Variants in PKN2 observed in about 807,000 individuals in gnomAD.
PKN2 encodes the protein protein kinase N2.
Under a neutral mutation model 119.1 loss-of-function variants are expected in PKN2, and 38 were observed. The observed-to-expected ratio is 0.32, with a 90% CI of 0.25 to 0.42. PKN2 has a LOEUF of 0.42. PKN2 is among the 10% of genes least tolerant of loss of function. The pLI, the probability that PKN2 is intolerant of heterozygous loss-of-function variation, is 1.00. For missense variants in PKN2, 850 were observed against 1,165.1 expected (o/e 0.73, Z 3.94); for synonymous variants, 390 against 384.9 (o/e 1.01, Z -0.15).
intron 1 of PKN2, among the ~76,000 whole-genome samples, chr1:88,718,612 C>G (rs756764945): frequency 2.6e-5 from 4 of 152,108 alleles, no homozygotes; most frequent in Non-Finnish European, 5.9e-5. Flanking sequence ...GGCATTTGAA[C>G]TGAAAATTTC....
chr1:88,785,813 A>T (rs537020285), intron 7 of PKN2, among the ~76,000 whole-genome samples: 30 of 152,324 alleles, frequency 2.0e-4, no homozygotes, highest in African/African-American at 7.2e-4. Context: ...TGATATTCAC[A>T]CAAACAGTGT....
chr1:88,689,201 T>C (rs766484705), intron 1 of PKN2, among the ~76,000 whole-genome samples: 8 of 152,166 alleles, frequency 5.3e-5, no homozygotes, highest in Non-Finnish European at 1.2e-4. Context: ...TGCACATGTA[T>C]TACAGAAAAT....
Position 88,807,592 on chromosome 1 carries a change from A to C in PKN2, c.1998A>C (p.Gly666=). 6.2e-7 allele frequency: 1 copy of C among 1,610,404 alleles called. No homozygotes were observed. The highest frequency in any genetic ancestry group is 8.5e-7 in the Non-Finnish European group (1 of 1,177,504). The stretch of plus-strand genomic sequence containing the variant: ...GGTGTTGTGCTGTCTTGGGAAGAGG[A>C]CATTTTGGAAAGGTAATCTTTTTGG... The part of the protein sequence containing the change: ...DFRCCAVLGR[G]HFGKVLLAEY... Residue 666 remains glycine (G), a synonymous_variant, in exon 14 of 22, where the codon GGA becomes GGC. Transcript: ENST00000370521.
intron 3 of PKN2, among the ~76,000 whole-genome samples, chr1:88,763,613 A>T (rs1283589775): frequency 6.6e-6 from 1 of 151,652 alleles, no homozygotes; most frequent in East Asian, 1.9e-4. Flanking sequence ...ATCTCAAAAA[A>T]AAAAAAAAAA....
At chr1:88,810,195 A>C (rs913669761) in intron 15 of PKN2, among the ~76,000 whole-genome samples, 2 of 151,600 alleles carry the variant, frequency 1.3e-5, no homozygotes, top group African/African-American at 2.4e-5. Context: ...AATTTGGCTC[A>C]CTGCAACCTC....
At chr1:88,793,592 A>T (rs1414725644) in intron 8 of PKN2, among the ~76,000 whole-genome samples, 1 of 152,124 alleles carries the variant, frequency 6.6e-6, no homozygotes, top group Non-Finnish European at 1.5e-5. Context: ...TGCCATCATT[A>T]TGAGGGATTT....
intron 1 of PKN2, among the ~76,000 whole-genome samples, chr1:88,733,173 C>G (rs1668208948): frequency 6.6e-6 from 1 of 152,166 alleles, no homozygotes; most frequent in South Asian, 2.1e-4. Context: ...ATCTGTAAAA[C>G]ATACTGATTT....
chr1:88,795,561 A>G (rs1476113417), intron 8 of PKN2, among the ~76,000 whole-genome samples: 3 of 152,202 alleles, frequency 2.0e-5, no homozygotes, highest in Admixed American at 6.5e-5. Context: ...CCTTATGTAT[A>G]GTGTCTAATT....
chr1:88,740,853 C>T, intron 1 of PKN2, 135 bp from the exon 2 acceptor site: 1 of 521,472 alleles, frequency 1.9e-6, no homozygotes, highest in Non-Finnish European at 3.3e-6. Context: ...TGGTCTATTG[C>T]TTATTAAGGA....
intron 16 of PKN2, among the ~76,000 whole-genome samples, chr1:88,820,233 TAAATAG>T (rs1238526508): frequency 1.3e-4 from 7 of 52,726 alleles, no homozygotes; most frequent in African/African-American, 5.4e-4. Flanking sequence ...TATATATATA[TAAATAG>T]AAAAAAATAA....
intron 18 of PKN2, among the ~76,000 whole-genome samples, chr1:88,825,828 G>A (rs999208418): frequency 2.9e-4 from 44 of 152,144 alleles, no homozygotes; most frequent in Admixed American, 2.6e-4. Context: ...GTGACATACA[G>A]TGCCGTTACT....
At chr1:88,720,438 C>G (rs557849645) in intron 1 of PKN2, among the ~76,000 whole-genome samples, 25 of 152,262 alleles carry the variant, frequency 1.6e-4, no homozygotes, top group African/African-American at 6.0e-4. Context: ...ACCTGTCCGT[C>G]TCCATGTCTG....
In PKN2 at chr1:88,768,401, T is replaced by G. The variant is rs1290342873; in HGVS notation, c.505-1951T>G. On this transcript the variant is annotated intron_variant, in intron 3 of 21. Coordinates refer to ENST00000370521, the MANE Select transcript of PKN2 (RefSeq NM_006256.4). The stretch of plus-strand genomic sequence containing the variant: ...CCAGCTGCTGGAGGCTACTCACACT[T>G]CTTGGCTCCTGACTCTCTTCCTTTG... Among the ~76,000 whole-genome samples, 5 of 152,180 alleles carry G rather than the reference T, an allele frequency of 3.3e-5. No individual in the cohort carries two copies. In the East Asian group the frequency reaches 9.6e-4, roughly 29 times the overall value.
In PKN2 at chr1:88,790,400, C is replaced by T. The variant is rs377699344; in HGVS notation, c.1281+4187C>T. On this transcript the variant is annotated intron_variant, in intron 8 of 21. Transcript: ENST00000370521. ...TTTTAGGTTGGTGCAAAAGTAATAG[C>T]GGTTTTGCCATTACTTTTGATTGCA... 4.6e-5 allele frequency among the ~76,000 whole-genome samples: 7 copies of T among 152,116 alleles called. No individual in the cohort carries two copies. In the East Asian group the frequency reaches 9.6e-4, roughly 21 times the overall value.
chr1:88,710,387 C>A (rs74965604), intron 1 of PKN2, among the ~76,000 whole-genome samples: 2,509 of 152,174 alleles, frequency 0.016, 46 homozygotes, highest in South Asian at 0.067. Context: ...ATAAGAACTA[C>A]TTTTATTATT....
chr1:88,752,403 A>G (rs143561896), intron 2 of PKN2, among the ~76,000 whole-genome samples: 1 of 152,270 alleles, frequency 6.6e-6, no homozygotes, highest in African/African-American at 2.4e-5. Context: ...AAATACAGTA[A>G]GTAAAATCTT....
rs946482331 is a variant in PKN2 at position 88,709,057 on chromosome 1, C to A, written c.48+24429C>A. Among the ~76,000 whole-genome samples, 6 of 151,410 alleles carry A rather than the reference C, an allele frequency of 4.0e-5. No individual in the cohort carries two copies. The East Asian group carries it at 9.7e-4, about 24-fold the overall frequency. On this transcript the variant is annotated intron_variant, in intron 1 of 21. Coordinates refer to ENST00000370521, the MANE Select transcript of PKN2 (RefSeq NM_006256.4). ...TGGGGCCTGTTTATATAATAATAAT[C>A]AATTTTTTTTTTTTGAGACAGAGTT...
chr1:88,830,511 A>G (rs1179527918), intron 19 of PKN2, among the ~76,000 whole-genome samples: 1 of 152,112 alleles, frequency 6.6e-6, no homozygotes, highest in Non-Finnish European at 1.5e-5. Flanking sequence ...TTCATGTAGT[A>G]TTCAAGTAAG....
chr1:88,760,929 G>T (rs1290209517), intron 3 of PKN2, among the ~76,000 whole-genome samples: 1 of 152,046 alleles, frequency 6.6e-6, no homozygotes, highest in African/African-American at 2.4e-5. Flanking sequence ...TATTTAAAAA[G>T]AAATTATCTA....
Sources: allele counts gnomAD v4.1 joint callset (sites outside exome capture counted in the v4.1 genomes callset), GRCh38; gene constraint gnomAD v4.1.1; transcripts MANE v1.5; gene names NCBI Gene and HGNC (gene_info 2026-07-23, HGNC 2026-07-21).